The following RASSF3 variants were observed in gnomAD, a reference collection of about 807,000 sequenced individuals.
The protein encoded by RASSF3 is ras association domain-containing protein 3.
Under a neutral mutation model 19.9 loss-of-function variants are expected in RASSF3, and 19 were observed. That is an observed-to-expected ratio of 0.96 (90% CI 0.67 to 1.40). The LOEUF (loss-of-function observed/expected upper bound fraction) is 1.40, where lower values mean the gene tolerates loss of function less well. Ranked by LOEUF, RASSF3 falls within the 40% of genes most tolerant of loss-of-function variation. The pLI is 0.00. For missense variants in RASSF3, 306 were observed against 289.8 expected (o/e 1.06, Z -0.41); for synonymous variants, 110 against 104.2 (o/e 1.06, Z -0.34).
intron 2 of RASSF3, among the ~76,000 whole-genome samples, chr12:64,579,856 C>A (rs1216219213): frequency 6.8e-6 from 1 of 147,076 alleles, no homozygotes; most frequent in Non-Finnish European, 1.5e-5. Context: ...GTTGCCCAGG[C>A]TGGAGTGGAA....
chr12:64,694,532 G>A (rs1592478151), intron 4 of RASSF3, among the ~76,000 whole-genome samples: 2 of 152,230 alleles, frequency 1.3e-5, no homozygotes, highest in East Asian at 3.9e-4. Context: ...TAGGGAGATC[G>A]TCTTGAACAG....
chr12:64,624,439 T>C (rs1295613192), intron 1 of RASSF3, among the ~76,000 whole-genome samples: 1 of 151,786 alleles, frequency 6.6e-6, no homozygotes, highest in Non-Finnish European at 1.5e-5. Context: ...TTAATTTATT[T>C]TTATTTTTTA....
intron 1 of RASSF3, among the ~76,000 whole-genome samples, chr12:64,637,872 G>T (rs1292495378): frequency 2.1e-5 from 3 of 144,114 alleles, no homozygotes; most frequent in Non-Finnish European, 4.6e-5. Flanking sequence ...TTGCTCTGTC[G>T]CCAGGCTGGA....
intron 1 of RASSF3, among the ~76,000 whole-genome samples, chr12:64,613,801 A>C (rs1406625119): frequency 6.6e-6 from 1 of 151,974 alleles, no homozygotes; most frequent in Non-Finnish European, 1.5e-5. Context: ...TGCAAAAATT[A>C]GTCAGGCATG....
rs1592417246 is a variant in RASSF3 at position 64,610,574 on chromosome 12, C to T, written c.-59C>T. 4 of 976,234 alleles carry T rather than the reference C, an allele frequency of 4.1e-6. No individual in the cohort carries two copies. The highest frequency in any genetic ancestry group is 5.5e-6 in the Non-Finnish European group (4 of 729,266). The allele number at this position is 976,234 out of a possible 1,614,324, so 60.5% of individuals were successfully genotyped here. ...CCTCGCGGGGCTGGCGGGCGCCGCACCCCCTCCCTGGCCGCCTGCGCCCCG... is the reference window on the plus strand; with the variant it reads ...CCTCGCGGGGCTGGCGGGCGCCGCATCCCCTCCCTGGCCGCCTGCGCCCCG... On this transcript the variant is annotated 5_prime_UTR_variant, in exon 1 of 5. Transcript: ENST00000542104.
intron 1 of RASSF3, among the ~76,000 whole-genome samples, chr12:64,510,023 G>A (rs1277423141): frequency 6.6e-6 from 1 of 151,042 alleles, no homozygotes; most frequent in African/African-American, 2.4e-5. Flanking sequence ...GGAGGCAGAG[G>A]TTGCAGTGAG....
chr12:64,634,126 G>C (rs1871251028), intron 1 of RASSF3, among the ~76,000 whole-genome samples: 2 of 152,036 alleles, frequency 1.3e-5, no homozygotes, highest in Non-Finnish European at 2.9e-5. Flanking sequence ...GCCAGACCCT[G>C]TATCAAGCAA....
intron 2 of RASSF3, among the ~76,000 whole-genome samples, chr12:64,559,505 G>A (rs529254155): frequency 2.6e-5 from 4 of 152,116 alleles, no homozygotes; most frequent in African/African-American, 7.2e-5. Context: ...TCCTGACCTC[G>A]TGATCTGCCC....
At chr12:64,516,722 G>A (rs1267144260) in intron 1 of RASSF3, among the ~76,000 whole-genome samples, 1 of 151,598 alleles carries the variant, frequency 6.6e-6, no homozygotes, top group Non-Finnish European at 1.5e-5. Flanking sequence ...AATCCTGGCC[G>A]GGTGCAGTGG....
At chr12:64,636,511 T>G (rs57591736) in intron 1 of RASSF3, among the ~76,000 whole-genome samples, 1 of 152,150 alleles carries the variant, frequency 6.6e-6, no homozygotes, top group Non-Finnish European at 1.5e-5. Context: ...GGTTGTATAT[T>G]GCTGCATGCT....
At chr12:64,586,906 G>A (rs1433352464) in intron 2 of RASSF3, among the ~76,000 whole-genome samples, 1 of 151,750 alleles carries the variant, frequency 6.6e-6, no homozygotes, top group Non-Finnish European at 1.5e-5. Context: ...TTGGGCAACA[G>A]AGCAAAACTC....
chr12:64,647,224 C>T (rs1017539311), intron 1 of RASSF3, among the ~76,000 whole-genome samples: 1 of 151,638 alleles, frequency 6.6e-6, no homozygotes, highest in African/African-American at 2.4e-5. Context: ...TTGTTTTTCT[C>T]AGCAAGGGTT....
At chr12:64,628,188 GTTTC>G (rs927499243) in intron 1 of RASSF3, among the ~76,000 whole-genome samples, 1 of 152,100 alleles carries the variant, frequency 6.6e-6, no homozygotes, top group Non-Finnish European at 1.5e-5. Flanking sequence ...ACAAGAACAA[GTTTC>G]TTTCTTTCTT....
At chr12:64,694,680 A>G (rs1031010578) in intron 4 of RASSF3, 83 bp from the exon 5 acceptor site, 9 of 1,482,688 alleles carry the variant, frequency 6.1e-6, no homozygotes, top group Non-Finnish European at 8.3e-6. Flanking sequence ...GGGCAGCCGC[A>G]CCTCTGGGAG....
downstream of RASSF3, among the ~76,000 whole-genome samples, chr12:64,545,280 T>C (rs1869034720): frequency 1.3e-5 from 2 of 152,092 alleles, no homozygotes; most frequent in Non-Finnish European, 2.9e-5. Context: ...TGGAAAAAAA[T>C]GTGGAGTTCA....
intron 1 of RASSF3, among the ~76,000 whole-genome samples, chr12:64,515,880 T>C (rs375683397): frequency 6.6e-6 from 1 of 152,150 alleles, no homozygotes; most frequent in Non-Finnish European, 1.5e-5. Context: ...TAGAAACACA[T>C]GTCTTTCAGT....
chr12:64,597,298 A>G (rs1201147649), intron 2 of RASSF3, among the ~76,000 whole-genome samples: 1 of 151,064 alleles, frequency 6.6e-6, no homozygotes, highest in Non-Finnish European at 1.5e-5. Context: ...GTACCCAGCT[A>G]ATTTTTGTAT....
intron 2 of RASSF3, among the ~76,000 whole-genome samples, chr12:64,577,655 C>G (rs1335406871): frequency 6.6e-6 from 1 of 152,116 alleles, no homozygotes; most frequent in East Asian, 1.9e-4. Context: ...TCTCTTGAAC[C>G]CAGGAGGCAG....
At chr12:64,649,623 G>A (rs1795624) in intron 1 of RASSF3, among the ~76,000 whole-genome samples, 43,332 of 152,112 alleles carry the variant, frequency 0.28, 6,711 homozygotes, top group Non-Finnish European at 0.36. Context: ...AGTTCTCAGG[G>A]AACTCAGGAA....
Sources: gnomAD v4.1 joint callset for allele counts (sites outside exome capture counted in the v4.1 genomes callset) on GRCh38, gnomAD v4.1.1 for gene constraint, MANE v1.5 for transcripts, NCBI Gene and HGNC (gene_info 2026-07-23, HGNC 2026-07-21) for gene names.